PXDNL: variants seen among roughly 807,000 people sequenced by gnomAD.
PXDNL encodes peroxidasin like.
PXDNL carries 145 observed loss-of-function variants against 150.8 expected under a neutral mutation model. That is an observed-to-expected ratio of 0.96 (90% confidence interval 0.84 to 1.10). The LOEUF (loss-of-function observed/expected upper bound fraction) is 1.10, where lower values mean the gene tolerates loss of function less well. Ranked by LOEUF, PXDNL falls within the 50% of genes least tolerant of loss-of-function variation. PXDNL has a pLI of 0.00. For missense variants in PXDNL, 2,087 were observed against 1,873.9 expected, an observed-to-expected ratio of 1.11 and a Z score of -2.10; for synonymous variants, 757 against 725.7, an observed-to-expected ratio of 1.04 and a Z score of -0.69.
At chr8:51,624,650 C>G (rs1814330038) in intron 2 of PXDNL, among the ~76,000 whole-genome samples, 1 of 148,172 alleles carries the variant, frequency 6.7e-6, no homozygotes, top group Admixed American at 6.8e-5. Context: ...CTTAACATGT[C>G]TTTCTGATGA....
chr8:51,543,854 C>A (rs1812285688), intron 4 of PXDNL, among the ~76,000 whole-genome samples: 2 of 150,608 alleles, frequency 1.3e-5, no homozygotes, highest in African/African-American at 2.4e-5. Context: ...ACTAAGGAGG[C>A]AAGAAAAAAG....
intron 2 of PXDNL, among the ~76,000 whole-genome samples, chr8:51,622,252 G>C (rs756522684): frequency 6.6e-6 from 1 of 152,134 alleles, no homozygotes; most frequent in Non-Finnish European, 1.5e-5. Context: ...AACCCTGCCT[G>C]AGTGAGCCTG....
At position 51,809,236 on chromosome 8, in the gene PXDNL, A is replaced by T; in HGVS notation, c.109T>A (p.Cys37Ser). ...RCLCFKSTVR[C>S]MHLMLDHIPQ... The stretch of plus-strand genomic sequence containing the variant: ...ATGTGGTCCAGCATCAAGTGCATGC[A>T]GCGGACGGTGCTCTTAAAGCAAAGG... The change falls in exon 1 of 23, where the codon TGC (cysteine) becomes AGC (serine). Residue 37 changes from cysteine (C) to serine (S), a missense_variant. Cys to Ser is a moderately radical substitution (Grantham distance 112). Coordinates refer to ENST00000356297, the MANE Select transcript of PXDNL (RefSeq NM_144651.5). 1 of 1,613,206 alleles carries T rather than the reference A, an allele frequency of 6.2e-7. No homozygotes were observed. Among genetic ancestry groups the T allele is most frequent in the Non-Finnish European group, 8.5e-7 (1 of 1,179,598 alleles).
chr8:51,566,195 T>A (rs1187312215), intron 3 of PXDNL, among the ~76,000 whole-genome samples: 1 of 151,872 alleles, frequency 6.6e-6, no homozygotes, highest in Non-Finnish European at 1.5e-5. Context: ...AGCTAATATT[T>A]TGTTGAGGAT....
At chr8:51,428,897 C>T (rs1242250348) in intron 12 of PXDNL, among the ~76,000 whole-genome samples, 1 of 26,020 alleles carries the variant, frequency 3.8e-5, no homozygotes, top group Non-Finnish European at 1.4e-4. Context: ...CTGAGAGTAT[C>T]AAAGGGCAAG....
At chr8:51,366,175 T>C (rs1291043648) in intron 19 of PXDNL, among the ~76,000 whole-genome samples, 2 of 152,212 alleles carry the variant, frequency 1.3e-5, no homozygotes, top group Admixed American at 1.3e-4. Context: ...CCTTACATAT[T>C]TTAAGTTTGG....
intron 17 of PXDNL, among the ~76,000 whole-genome samples, chr8:51,375,989 C>G (rs753072567): frequency 6.6e-6 from 1 of 152,180 alleles, no homozygotes; most frequent in Non-Finnish European, 1.5e-5. Flanking sequence ...GTTTGCAGAT[C>G]CCTGCTCTAG....
At chr8:51,797,748 C>CGCAG (rs2037576724) in intron 1 of PXDNL, among the ~76,000 whole-genome samples, 1 of 152,100 alleles carries the variant, frequency 6.6e-6, no homozygotes, top group Non-Finnish European at 1.5e-5. Flanking sequence ...GGCCATACTG[C>CGCAG]CCAAAGTAAT....
chr8:51,604,792 T>C (rs1055566141), intron 2 of PXDNL, among the ~76,000 whole-genome samples: 5 of 152,174 alleles, frequency 3.3e-5, no homozygotes, highest in Non-Finnish European at 5.9e-5. Flanking sequence ...TCTATATACA[T>C]CCAAACACAC....
chr8:51,483,159 G>A (rs776875883), intron 6 of PXDNL, among the ~76,000 whole-genome samples: 1 of 152,302 alleles, frequency 6.6e-6, no homozygotes, highest in Middle Eastern at 3.4e-3. Context: ...GCCCACGGAT[G>A]GGAGCAGGGA....
chr8:51,758,010 C>G (rs1335192834), intron 1 of PXDNL, among the ~76,000 whole-genome samples: 2 of 151,804 alleles, frequency 1.3e-5, no homozygotes, highest in Non-Finnish European at 2.9e-5. Context: ...TTTTCATGTA[C>G]TTTGAAAAGT....
At chr8:51,376,238 A>G (rs936998397) in intron 17 of PXDNL, among the ~76,000 whole-genome samples, 14 of 152,212 alleles carry the variant, frequency 9.2e-5, no homozygotes, top group African/African-American at 3.4e-4. Flanking sequence ...AAAATTCTCA[A>G]TGTCACCTGG....
chr8:51,412,086 G>C (rs1282274444), intron 15 of PXDNL, among the ~76,000 whole-genome samples: 1 of 152,128 alleles, frequency 6.6e-6, no homozygotes, highest in Admixed American at 6.5e-5. Flanking sequence ...AGCAGTTTAT[G>C]CACATTTGTA....
At chr8:51,492,318 A>G (rs1821114) in intron 5 of PXDNL, among the ~76,000 whole-genome samples, 145,855 of 152,210 alleles carry the variant, frequency 0.96, 70,199 homozygotes, top group East Asian at 1. Flanking sequence ...CAAGATGGCC[A>G]AATAGGAACA....
intron 4 of PXDNL, among the ~76,000 whole-genome samples, chr8:51,515,911 C>A (rs1461787400): frequency 6.6e-6 from 1 of 152,108 alleles, no homozygotes; most frequent in Non-Finnish European, 1.5e-5. Context: ...AAGTACTCGT[C>A]TGGTTCAAGT....
At chr8:51,755,876 A>AT (rs1230307141) in intron 1 of PXDNL, among the ~76,000 whole-genome samples, 2 of 152,196 alleles carry the variant, frequency 1.3e-5, no homozygotes, top group African/African-American at 4.8e-5. Context: ...TGTCAATAAA[A>AT]TTATTTTTAG....
At chr8:51,388,603 A>C (rs1011412819) in intron 17 of PXDNL, among the ~76,000 whole-genome samples, 3 of 152,168 alleles carry the variant, frequency 2.0e-5, no homozygotes, top group Non-Finnish European at 4.4e-5. Context: ...TGAGGACTCA[A>C]GTCTTTCTTC....
intron 1 of PXDNL, among the ~76,000 whole-genome samples, chr8:51,660,053 C>T (rs1223063634): frequency 6.6e-6 from 1 of 151,920 alleles, no homozygotes; most frequent in Non-Finnish European, 1.5e-5. Context: ...CCATGTCGGG[C>T]TAATGTTTGT....
At chr8:51,718,398 G>C (rs1406602413) in intron 1 of PXDNL, among the ~76,000 whole-genome samples, 2 of 152,104 alleles carry the variant, frequency 1.3e-5, no homozygotes, top group African/African-American at 4.8e-5. Context: ...CTGTACTGGA[G>C]GTTAGGTGAA....
Sources: gnomAD v4.1 joint callset for allele counts (sites outside exome capture counted in the v4.1 genomes callset) on GRCh38, gnomAD v4.1.1 for gene constraint, MANE v1.5 for transcripts, NCBI Gene and HGNC (gene_info 2026-07-23, HGNC 2026-07-21) for gene names.